Variants in SHROOM3 observed in about 807,000 individuals in gnomAD.
SHROOM3 encodes shroom family member 3, also known as protein Shroom3.
Under a neutral mutation model 138.6 loss-of-function variants are expected in SHROOM3, and 47 were observed. The ratio of observed to expected loss-of-function variants is 0.34; its 90% confidence interval spans 0.27 to 0.43. The LOEUF (loss-of-function observed/expected upper bound fraction) is 0.43, where lower values mean the gene tolerates loss of function less well. Among genes scored for constraint, SHROOM3 ranks in the 20% least tolerant of loss-of-function variants. The pLI is 1.00. For synonymous variants in SHROOM3, 1,062 were observed against 1,063.3 expected (o/e 1.00, Z 0.02); for missense variants, 2,491 against 2,596.5 (o/e 0.96, Z 0.88).
At chr4:76,591,376 G>A (rs780781231) in intron 2 of SHROOM3, among the ~76,000 whole-genome samples, 1 of 152,172 alleles carries the variant, frequency 6.6e-6, no homozygotes, top group Non-Finnish European at 1.5e-5. Context: ...TGTCATTCTT[G>A]CTGTGGCACA....
chr4:76,704,793 A>G (rs1444434844), intron 2 of SHROOM3, among the ~76,000 whole-genome samples: 1 of 152,178 alleles, frequency 6.6e-6, no homozygotes, highest in Non-Finnish European at 1.5e-5. Flanking sequence ...TGGAGGGGAC[A>G]GAAGTGGAAG....
intron 2 of SHROOM3, among the ~76,000 whole-genome samples, chr4:76,707,251 G>T (rs1415789169): frequency 6.6e-6 from 1 of 152,122 alleles, no homozygotes; most frequent in Non-Finnish European, 1.5e-5. Flanking sequence ...GAACATTTTT[G>T]AAACCTGCCA....
chr4:76,744,036 G>A (rs1401575660), intron 5 of SHROOM3, among the ~76,000 whole-genome samples: 1 of 152,184 alleles, frequency 6.6e-6, no homozygotes, highest in East Asian at 1.9e-4. Flanking sequence ...TGTCTTAGAG[G>A]TTGGTTGGAT....
chr4:76,629,700 T>C (rs1285126560), intron 2 of SHROOM3, among the ~76,000 whole-genome samples: 1 of 152,154 alleles, frequency 6.6e-6, no homozygotes, highest in Non-Finnish European at 1.5e-5. Context: ...GAATGCTCAA[T>C]GTGGGGTGAG....
Position 76,598,769 on chromosome 4 carries a change from A to T in SHROOM3, c.323+43006A>T, listed in dbSNP as rs935867606. ...CTTTGACTAAAGAGTGTATGTGAGG[A>T]TGCTCATGAGTTTGAACAGAACCCA... On this transcript the variant is annotated intron_variant, in intron 2 of 10. Transcript: ENST00000296043. 3.3e-5 allele frequency among the ~76,000 whole-genome samples: 5 copies of T among 152,198 alleles called. No homozygotes were observed. The South Asian group carries it at 8.3e-4, about 25-fold the overall frequency.
chr4:76,470,120 G>A (rs1328797617), intron 1 of SHROOM3, among the ~76,000 whole-genome samples: 2 of 152,074 alleles, frequency 1.3e-5, no homozygotes, highest in African/African-American at 2.4e-5. Flanking sequence ...CTATGAAGTA[G>A]GTCCTATTAT....
intron 9 of SHROOM3, among the ~76,000 whole-genome samples, chr4:76,766,168 C>T (rs1319736467): frequency 6.6e-6 from 1 of 152,234 alleles, no homozygotes; most frequent in Non-Finnish European, 1.5e-5. Flanking sequence ...TAATACCTCT[C>T]TCACCGGGTT....
At chr4:76,678,979 A>C (rs923717264) in intron 2 of SHROOM3, among the ~76,000 whole-genome samples, 1 of 152,180 alleles carries the variant, frequency 6.6e-6, no homozygotes, top group African/African-American at 2.4e-5. Context: ...TTTTTTTAAA[A>C]GTAATTTTAG....
intron 1 of SHROOM3, among the ~76,000 whole-genome samples, chr4:76,498,863 TAAAG>T (rs1732025222): frequency 6.6e-6 from 1 of 152,144 alleles, no homozygotes; most frequent in Non-Finnish European, 1.5e-5. Context: ...CCCATGAAAT[TAAAG>T]AAGGGGAAAT....
intron 9 of SHROOM3, among the ~76,000 whole-genome samples, chr4:76,764,121 T>C (rs905621537): frequency 1.3e-5 from 2 of 152,250 alleles, no homozygotes; most frequent in Admixed American, 6.5e-5. Context: ...AATAACACTT[T>C]AGTTTCACTT....
At position 76,756,514 on chromosome 4, in the gene SHROOM3, T is replaced by A; in HGVS notation, c.4775T>A (p.Val1592Glu). 6.2e-7 allele frequency: 1 copy of A among 1,613,362 alleles called. No homozygotes were observed. The highest frequency in any genetic ancestry group is 8.5e-7 in the Non-Finnish European group (1 of 1,179,954). Reference sequence around the variant, plus strand: ...CACATGCCTGGTGCAGCCCATGTGGTAGGTAGTCAGACACTGGCTTCCAGA... The same window carrying A: ...CACATGCCTGGTGCAGCCCATGTGGAAGGTAGTCAGACACTGGCTTCCAGA... ...ERHMPGAAHV[V>E]GSQTLASRLQ... The change falls in exon 8 of 11, where the codon GTA becomes GAA. Residue 1592 changes from valine to glutamate, a missense_variant. Val to Glu is a moderately radical substitution (Grantham distance 121). Around this residue, in one of 4 missense-constraint regions of SHROOM3, gnomAD observed 470 missense variants for 595.0 expected, o/e 0.79. Transcript: ENST00000296043.
chr4:76,649,995 T>C (rs943644536), intron 2 of SHROOM3, among the ~76,000 whole-genome samples: 4 of 152,228 alleles, frequency 2.6e-5, no homozygotes, highest in African/African-American at 9.6e-5. Context: ...GCATTCTTCC[T>C]GGCTCGCAGG....
chr4:76,680,900 A>G (rs1484801298), intron 2 of SHROOM3, among the ~76,000 whole-genome samples: 1 of 152,240 alleles, frequency 6.6e-6, no homozygotes, highest in Admixed American at 6.5e-5. Context: ...CAAAGTCATT[A>G]TGATCAAAAT....
At chr4:76,597,058 G>A (rs908616943) in intron 2 of SHROOM3, among the ~76,000 whole-genome samples, 9 of 152,168 alleles carry the variant, frequency 5.9e-5, no homozygotes, top group East Asian at 3.9e-4. Flanking sequence ...AGACGGCAAC[G>A]GAGAGACAGT....
At chr4:76,439,973 G>A (rs1198716854) in intron 1 of SHROOM3, among the ~76,000 whole-genome samples, 2 of 152,212 alleles carry the variant, frequency 1.3e-5, no homozygotes, top group East Asian at 3.8e-4. Context: ...AATTGTCATT[G>A]TAAGTGGATG....
intron 9 of SHROOM3, among the ~76,000 whole-genome samples, chr4:76,760,532 T>C (rs945216683): frequency 6.6e-6 from 1 of 152,194 alleles, no homozygotes; most frequent in Admixed American, 6.5e-5. Flanking sequence ...CAGGAGAAAC[T>C]TTCTAGGGTG....
At chr4:76,486,929 T>C (rs1437391749) in intron 1 of SHROOM3, among the ~76,000 whole-genome samples, 2 of 152,184 alleles carry the variant, frequency 1.3e-5, no homozygotes, top group Non-Finnish European at 2.9e-5. Flanking sequence ...AAAACCTTTT[T>C]GAGACATAAT....
intron 2 of SHROOM3, among the ~76,000 whole-genome samples, chr4:76,647,382 A>G (rs185252588): frequency 6.6e-6 from 1 of 152,294 alleles, no homozygotes; most frequent in Admixed American, 6.5e-5. Flanking sequence ...AAAACAATGT[A>G]TTGTGTATTT....
rs760053521 is a variant in SHROOM3, at chr4:76,754,544, T to C, written c.4061T>C (p.Ile1354Thr). 20 of 1,613,600 alleles carry C rather than the reference T, an allele frequency of 1.2e-5. No homozygotes were observed. Among genetic ancestry groups the C allele is most frequent in the Middle Eastern group, 1.6e-4 (1 of 6,062 alleles). Reference protein sequence around the residue: ...TDTRAAPLTPIGTPLPSAIPS... With the variant: ...TDTRAAPLTPTGTPLPSAIPS... ...ACCAGGGCTGCACCCCTGACCCCAA[T>C]TGGCACCCCTCTGCCTTCAGCCATT... Residue 1354 changes from isoleucine to threonine, a missense_variant, in exon 7 of 11, where the codon ATT becomes ACT. Transcript: ENST00000296043.
Sources: allele counts gnomAD v4.1 joint callset (sites outside exome capture counted in the v4.1 genomes callset), GRCh38; gene constraint gnomAD v4.1.1; regional missense constraint gnomAD v4.1.1; transcripts MANE v1.5; gene names NCBI Gene and HGNC (gene_info 2026-07-23, HGNC 2026-07-21).